Variants in ADAMTS2 observed in about 807,000 individuals in gnomAD.
ADAMTS2 encodes the protein A disintegrin and metalloproteinase with thrombospondin motifs 2.
ADAMTS2 carries 50 observed loss-of-function variants against 123.0 expected under a neutral mutation model. The observed-to-expected ratio is 0.41, with a 90% CI of 0.32 to 0.51. The LOEUF is 0.51. ADAMTS2 is among the 20% of genes least tolerant of loss of function. The pLI is 0.35. For missense variants in ADAMTS2, 1,494 were observed against 1,705.2 expected (o/e 0.88, Z 2.18); for synonymous variants, 678 against 695.4 (o/e 0.98, Z 0.39).
At position 179,117,553 on chromosome 5, in the gene ADAMTS2, ATTTT is replaced by A. The variant is rs202081869; in HGVS notation, c.3179-3233_3179-3230del. Among the ~76,000 whole-genome samples, 2 of 134,862 alleles carry A rather than the reference ATTTT, an allele frequency of 1.5e-5. No homozygotes were observed. Among genetic ancestry groups the A allele is most frequent in the Non-Finnish European group, 1.6e-5 (1 of 61,708 alleles). 88.5% of individuals were successfully genotyped at this position (134,862 alleles called of 152,430 possible). ...TATTGGATCAGGCCCATGCCCATGC[ATTTT>A]TTTTTTTTTTTTTGAGATGAAGTCT... On this transcript the variant is annotated intron_variant, in intron 21 of 21. Coordinates refer to ENST00000251582, the MANE Select transcript of ADAMTS2 (RefSeq NM_014244.5). The surrounding 1 kb of genome is among the most constrained non-coding windows in gnomAD (Gnocchi z 4.2).
chr5:179,211,025 C>T (rs1300788250), intron 3 of ADAMTS2, among the ~76,000 whole-genome samples: 2 of 152,254 alleles, frequency 1.3e-5, no homozygotes, highest in African/African-American at 2.4e-5. Context: ...GGTCCTGAGT[C>T]GTCTTCCTAG....
chr5:179,126,922 T>C (rs1275227101), intron 17 of ADAMTS2, among the ~76,000 whole-genome samples: 1 of 152,080 alleles, frequency 6.6e-6, no homozygotes. Flanking sequence ...GGAAAAGCCC[T>C]TAAGGCCGGC....
intron 3 of ADAMTS2, among the ~76,000 whole-genome samples, chr5:179,251,696 G>C (rs572208812): frequency 6.6e-6 from 1 of 152,294 alleles, no homozygotes; most frequent in East Asian, 1.9e-4. Context: ...ATATACCTAA[G>C]AGTAATGAAC....
intron 2 of ADAMTS2, among the ~76,000 whole-genome samples, chr5:179,296,611 G>A (rs553974190): frequency 2.0e-5 from 3 of 152,248 alleles, no homozygotes; most frequent in East Asian, 1.9e-4. Flanking sequence ...AGGAAGGACC[G>A]CAAGGCAGGT....
chr5:179,302,376 T>C (rs1756551378), intron 2 of ADAMTS2, among the ~76,000 whole-genome samples: 2 of 76,236 alleles, frequency 2.6e-5, no homozygotes, highest in Non-Finnish European at 4.4e-5. Flanking sequence ...AGCAAGACCG[T>C]CTCAAAAAAA....
At position 179,121,664 on chromosome 5, in the gene ADAMTS2, A is replaced by T. The variant is rs1762765704; in HGVS notation, c.3175T>A (p.Ser1059Thr). The T allele has an allele frequency of 6.2e-7, 1 of 1,600,784 alleles. No homozygotes were observed. Among genetic ancestry groups the T allele is most frequent in the Non-Finnish European group, 8.5e-7 (1 of 1,173,516 alleles). ...DPDSPIRKIS[S>T]KGHCQGDKSI... ...GAGTTATAAACGGGTCGGTTACTTG[A>T]CGAGATCTTCCGGATGGGCGAGTCG... The change falls in exon 21 of 22, where the codon TCA becomes ACA. Residue 1059 changes from serine to threonine, a missense_variant. By Grantham distance (58) the Ser-to-Thr change is moderately conservative (BLOSUM62 1). This residue lies in a region of ADAMTS2 where 953 missense variants were observed against 1,124.7 expected (regional missense o/e 0.85). Transcript: ENST00000251582.
intron 3 of ADAMTS2, among the ~76,000 whole-genome samples, chr5:179,222,053 C>T (rs1292802837): frequency 6.6e-6 from 1 of 152,114 alleles, no homozygotes; most frequent in Non-Finnish European, 1.5e-5. Flanking sequence ...ACTCTGAGCC[C>T]AGAGGCCAGG....
At position 179,170,444 on chromosome 5, in the gene ADAMTS2, T is replaced by C. The variant is rs1763791929; in HGVS notation, c.975+10628A>G. On this transcript the variant is annotated intron_variant, in intron 5 of 21. Transcript: ENST00000251582. This position sits in a 1 kb window ranked among gnomAD's most constrained non-coding sequence, Gnocchi z 4.3. ...CTCCTGACTGCCATCGCCTTGGTTT[T>C]GCCATGCTAAAATTCTTCTAGAGAC... Among the ~76,000 whole-genome samples the C allele has an allele frequency of 6.6e-6, 1 of 152,140 alleles. No individual in the cohort carries two copies. Among genetic ancestry groups the C allele is most frequent in the African/African-American group, 2.4e-5 (1 of 41,430 alleles).
intron 2 of ADAMTS2, among the ~76,000 whole-genome samples, chr5:179,336,518 C>T (rs1240105141): frequency 6.6e-6 from 1 of 152,070 alleles, no homozygotes. Flanking sequence ...GGGGCCCGCG[C>T]CTCCAGGGAA....
At chr5:179,292,981 A>G (rs1244307973) in intron 2 of ADAMTS2, among the ~76,000 whole-genome samples, 1 of 152,164 alleles carries the variant, frequency 6.6e-6, no homozygotes, top group African/African-American at 2.4e-5. Flanking sequence ...GTCAGGAGCT[A>G]CGCTGGCCGG....
At chr5:179,226,100 T>G (rs1207777053) in intron 3 of ADAMTS2, among the ~76,000 whole-genome samples, 1 of 152,054 alleles carries the variant, frequency 6.6e-6, no homozygotes, top group Non-Finnish European at 1.5e-5. Context: ...CACACCCCCA[T>G]AGCACGCCCT....
rs185071391 is a variant in ADAMTS2, at chr5:179,271,027, C to G, written c.688+1884G>C. On this transcript the variant is annotated intron_variant, in intron 3 of 21. Transcript: ENST00000251582. ...CCCCACCTTCCAGCCCAGCCTCACC[C>G]CTGACCTGGCAGCTGGCCTCACCCA... 2.3e-4 allele frequency among the ~76,000 whole-genome samples: 35 copies of G among 152,334 alleles called. No homozygotes were observed. The East Asian group carries it at 6.4e-3, about 28-fold the overall frequency.
intron 5 of ADAMTS2, among the ~76,000 whole-genome samples, chr5:179,167,261 C>A (rs1381876509): frequency 1.3e-5 from 2 of 152,108 alleles, no homozygotes; most frequent in East Asian, 3.9e-4. Context: ...AGAGGAAGGG[C>A]CGGGCCCGAG....
intron 13 of ADAMTS2, among the ~76,000 whole-genome samples, chr5:179,134,346 C>T (rs1430413271): frequency 1.3e-5 from 2 of 152,124 alleles, no homozygotes; most frequent in Non-Finnish European, 2.9e-5. Flanking sequence ...TCAGTCTATA[C>T]CCCAAGCACC....
At chr5:179,289,943 G>C (rs1756137340) in intron 2 of ADAMTS2, among the ~76,000 whole-genome samples, 1 of 152,218 alleles carries the variant, frequency 6.6e-6, no homozygotes, top group Non-Finnish European at 1.5e-5. Flanking sequence ...TCAGATGGGA[G>C]GAAACGGGAG....
intron 3 of ADAMTS2, among the ~76,000 whole-genome samples, chr5:179,211,920 A>G (rs1479624600): frequency 6.6e-6 from 1 of 152,156 alleles, no homozygotes; most frequent in East Asian, 1.9e-4. Context: ...ATATCGTCCT[A>G]TTTCAGCATC....
Position 179,345,254 on chromosome 5 carries a change from C to T in ADAMTS2, c.75G>A (p.Pro25=). 2.6e-6 allele frequency: 3 copies of T among 1,150,080 alleles called. No individual in the cohort carries two copies. In the South Asian group the frequency reaches 1.3e-4, roughly 48 times the overall value. The allele number at this position is 1,150,080 out of a possible 1,614,324, so 71.2% of individuals were successfully genotyped here. Residue 25 remains proline, a synonymous_variant, in exon 1 of 22, where the codon CCG becomes CCA. Transcript: ENST00000251582. This position sits in a 1 kb window ranked among gnomAD's most constrained non-coding sequence, Gnocchi z 7.5. ...ALLLLLLLLP[P]PLLPPPPPPA... is the part of the protein sequence containing the mutation. ...GCGGCGGCGGCGGCGGCAGGAGCGG[C>T]GGCGGCAGCAGCAGCAGCAGCAGCA...
At position 179,180,579 on chromosome 5, in the gene ADAMTS2, C is replaced by T. The variant is rs534569861; in HGVS notation, c.975+493G>A. ...ATCCAGCGCCCATGTCCCCAGCCAC[C>T]TCCTTTATCAGACTTCACACTCTGA... On this transcript the variant is annotated intron_variant, in intron 5 of 21. Transcript: ENST00000251582. The surrounding 1 kb of genome is among the most constrained non-coding windows in gnomAD (Gnocchi z 4.6). 1.3e-5 allele frequency among the ~76,000 whole-genome samples: 2 copies of T among 152,308 alleles called. No homozygotes were observed. Among genetic ancestry groups the T allele is most frequent in the East Asian group, 3.9e-4 (2 of 5,176 alleles).
intron 5 of ADAMTS2, among the ~76,000 whole-genome samples, chr5:179,172,514 G>A (rs897550404): frequency 3.9e-5 from 6 of 152,234 alleles, no homozygotes; most frequent in Admixed American, 3.9e-4. Flanking sequence ...TCTCATGCAG[G>A]GGAGACCACG....
Sources: allele counts gnomAD v4.1 joint callset (sites outside exome capture counted in the v4.1 genomes callset), GRCh38; gene constraint gnomAD v4.1.1; regional missense constraint gnomAD v4.1.1; non-coding constraint Gnocchi (gnomAD v3.1); transcripts MANE v1.5; gene names NCBI Gene and HGNC (gene_info 2026-07-23, HGNC 2026-07-21).